DCT: variants seen among roughly 807,000 people sequenced by gnomAD.
The protein encoded by DCT is dopachrome tautomerase, also known as L-dopachrome tautomerase.
A neutral mutation model predicts 53.0 loss-of-function variants in DCT; 47 were observed. The ratio of observed to expected loss-of-function variants is 0.89; its 90% CI spans 0.70 to 1.13. The LOEUF is 1.13. DCT is among the 50% of genes most tolerant of loss of function. The pLI, the probability that DCT is intolerant of heterozygous loss-of-function variation, is 0.00. For synonymous variants in DCT, 244 were observed against 237.0 expected (o/e 1.03, Z -0.27); for missense variants, 669 against 637.4 (o/e 1.05, Z -0.53).
chr13:94,502,875 AC>A, the DCT span, among the ~76,000 whole-genome samples: 1 of 151,920 alleles, frequency 6.6e-6, no homozygotes, highest in Non-Finnish European at 1.5e-5. Flanking sequence ...TGAGCCTGCC[AC>A]CCCAGGTCCC....
chr13:94,502,532 A>G, the DCT span, among the ~76,000 whole-genome samples: 1 of 152,162 alleles, frequency 6.6e-6, no homozygotes, highest in Non-Finnish European at 1.5e-5. Flanking sequence ...TTCAGTCATC[A>G]GCCCTCAACA....
the DCT span, among the ~76,000 whole-genome samples, chr13:94,489,911 G>GAAGTTGTA: frequency 6.6e-6 from 1 of 152,146 alleles, no homozygotes; most frequent in African/African-American, 2.4e-5. Context: ...ACCCAGAAAT[G>GAAGTTGTA]AAGTTGTTTT....
the DCT span, among the ~76,000 whole-genome samples, chr13:94,492,542 A>G: frequency 6.6e-6 from 1 of 152,208 alleles, no homozygotes; most frequent in African/African-American, 2.4e-5. Context: ...AGTGCCTAGC[A>G]CAAGTAACTG....
the DCT span, among the ~76,000 whole-genome samples, chr13:94,546,484 T>C: frequency 2.6e-5 from 4 of 152,148 alleles, no homozygotes; most frequent in African/African-American, 9.6e-5. This position sits in a 1 kb window ranked among gnomAD's most constrained non-coding sequence, Gnocchi z 4.2. Flanking sequence ...TTACCTAGTG[T>C]CTGGTTTATC....
the DCT span, among the ~76,000 whole-genome samples, chr13:94,492,545 A>G: frequency 6.6e-6 from 1 of 152,226 alleles, no homozygotes; most frequent in Non-Finnish European, 1.5e-5. Context: ...GCCTAGCACA[A>G]GTAACTGAAT....
the DCT span, among the ~76,000 whole-genome samples, chr13:94,499,322 A>G: frequency 2.1e-4 from 32 of 152,332 alleles, no homozygotes; most frequent in African/African-American, 7.7e-4. Context: ...AGAACCCACC[A>G]GAAGGAACCA....
At chr13:94,541,038 C>A in the DCT span, among the ~76,000 whole-genome samples, 1 of 152,116 alleles carries the variant, frequency 6.6e-6, no homozygotes, top group African/African-American at 2.4e-5. Context: ...ATCACAGGCA[C>A]AGAAAGACAA....
rs1453553401 is a variant in DCT, at chr13:94,466,606, A to T, written c.648T>A (p.Phe216Leu). Residue 216 changes from phenylalanine to leucine, a missense_variant, in exon 3 of 8, where the codon TTT becomes TTA. By Grantham distance (22) the Phe-to-Leu change is conservative. Transcript: ENST00000377028. Reference sequence around the variant, plus strand: ...ACAAATGGTACCGGTGCCAGGTAACAAATGCAGGTCCTTGATGTGAGAAAT... The same window carrying T: ...ACAAATGGTACCGGTGCCAGGTAACTAATGCAGGTCCTTGATGTGAGAAAT... ...AIDFSHQGPA[F>L]VTWHRYHLLC... 6.2e-7 allele frequency: 1 copy of T among 1,612,468 alleles called. No homozygotes were observed. The highest frequency in any genetic ancestry group is 8.5e-7 in the Non-Finnish European group (1 of 1,179,122).
At chr13:94,524,881 A>C in the DCT span, among the ~76,000 whole-genome samples, 6 of 152,178 alleles carry the variant, frequency 3.9e-5, no homozygotes, top group African/African-American at 1.4e-4. Flanking sequence ...ATCCGTACCC[A>C]TTATATTAAT....
chr13:94,496,483 C>T, the DCT span, among the ~76,000 whole-genome samples: 5 of 152,038 alleles, frequency 3.3e-5, no homozygotes, highest in Non-Finnish European at 7.3e-5. Flanking sequence ...CATGAGCCAC[C>T]GCACCCGGCC....
chr13:94,452,569 T>G, intron 6 of DCT: 1 of 746,224 alleles, frequency 1.3e-6, no homozygotes, highest in South Asian at 1.5e-5. Context: ...ATGCATTTTT[T>G]TACCCTTTAA....
the DCT span, among the ~76,000 whole-genome samples, chr13:94,526,846 C>G: frequency 6.6e-6 from 1 of 152,094 alleles, no homozygotes; most frequent in Non-Finnish European, 1.5e-5. Flanking sequence ...CACCAGGGGT[C>G]TAGGGATTTC....
intron 1 of DCT, among the ~76,000 whole-genome samples, chr13:94,471,226 ATAGT>A (rs1257046653): frequency 6.6e-6 from 1 of 152,204 alleles, no homozygotes; most frequent in Non-Finnish European, 1.5e-5. Flanking sequence ...GGATTTTCTG[ATAGT>A]TAAAGAAAAT....
the DCT span, among the ~76,000 whole-genome samples, chr13:94,498,088 C>A: frequency 1.3e-5 from 2 of 152,230 alleles, no homozygotes; most frequent in Non-Finnish European, 2.9e-5. Flanking sequence ...AATCCTAAAC[C>A]TCTACTCCCT....
chr13:94,440,918 G>T (rs1882259035), intron 7 of DCT, among the ~76,000 whole-genome samples: 2 of 151,882 alleles, frequency 1.3e-5, no homozygotes, highest in African/African-American at 4.8e-5. Flanking sequence ...TGACTGCAGG[G>T]AATCCACCTG....
At chr13:94,501,024 T>C in the DCT span, among the ~76,000 whole-genome samples, 5 of 152,088 alleles carry the variant, frequency 3.3e-5, no homozygotes, top group African/African-American at 1.2e-4. Flanking sequence ...TTTGGCACTT[T>C]GGGAGGCTGA....
intron 3 of DCT, among the ~76,000 whole-genome samples, 197 bp from the exon 4 acceptor site, chr13:94,465,996 ATATATATATATATATATAT>A (rs1884186360): frequency 4.7e-5 from 3 of 64,056 alleles, no homozygotes; most frequent in Non-Finnish European, 1.0e-4. Context: ...ATATATATAT[ATATATATATATATATATAT>A]ATATATATAC....
At chr13:94,455,530 C>T (rs1382789073) in intron 6 of DCT, among the ~76,000 whole-genome samples, 3 of 152,096 alleles carry the variant, frequency 2.0e-5, no homozygotes, top group Non-Finnish European at 2.9e-5. Flanking sequence ...TTGTAAATAA[C>T]GTTTTATTGG....
At chr13:94,546,475 T>A in the DCT span, among the ~76,000 whole-genome samples, 1 of 152,138 alleles carries the variant, frequency 6.6e-6, no homozygotes, top group Non-Finnish European at 1.5e-5. The surrounding 1 kb of genome is among the most constrained non-coding windows in gnomAD (Gnocchi z 4.2). Flanking sequence ...CTTACCACGT[T>A]ACCTAGTGTC....
Sources: allele counts gnomAD v4.1 joint callset (sites outside exome capture counted in the v4.1 genomes callset), GRCh38; gene constraint gnomAD v4.1.1; non-coding constraint Gnocchi (gnomAD v3.1); transcripts MANE v1.5; gene names NCBI Gene and HGNC (gene_info 2026-07-23, HGNC 2026-07-21).